NEO1: variants seen among roughly 807,000 people sequenced by gnomAD.
NEO1 encodes the protein neogenin.
NEO1 carries 63 observed loss-of-function variants against 159.7 expected under a neutral mutation model. That is an observed-to-expected ratio of 0.39 (90% CI 0.32 to 0.49). NEO1 has a LOEUF of 0.49. Ranked by LOEUF, NEO1 falls within the 20% of genes least tolerant of loss-of-function variation. The pLI is 0.85. For missense variants in NEO1, 1,615 were observed against 1,831.0 expected, an observed-to-expected ratio of 0.88 and a Z score of 2.15; for synonymous variants, 633 against 662.0, an observed-to-expected ratio of 0.96 and a Z score of 0.67.
intron 7 of NEO1, among the ~76,000 whole-genome samples, chr15:73,205,388 T>C (rs1261348745): frequency 6.6e-6 from 1 of 152,210 alleles, no homozygotes; most frequent in East Asian, 1.9e-4. Flanking sequence ...TTCCTCTAGC[T>C]GGGATAAGCT....
chr15:73,302,790 C>T lies in NEO1; in HGVS notation c.*94C>T. ...AATTGTACAGAGTACGAGAGGACAG[C>T]ACTTGAGAACACAGAATGAGCCAGC... On this transcript the variant is annotated 3_prime_UTR_variant, in exon 29 of 29. Transcript: ENST00000261908. 1 of 1,139,800 alleles carries T rather than the reference C, an allele frequency of 8.8e-7. No individual in the cohort carries two copies. Among genetic ancestry groups the T allele is most frequent in the Middle Eastern group, 1.9e-4 (1 of 5,138 alleles). 70.6% of individuals were successfully genotyped at this position (1,139,800 alleles called of 1,614,324 possible).
At position 73,274,731 on chromosome 15, in the gene NEO1, G is replaced by C; in HGVS notation, c.3193+7G>C. On this transcript the variant is annotated splice_region_variant and intron_variant, in intron 21 of 28. Coordinates refer to ENST00000261908, the MANE Select transcript of NEO1 (RefSeq NM_002499.4). ...AAAATGCCTAATGATCAAGGTAAAT[G>C]AGTAGATGGCCTCTCTTTTCTTTCC... 1 of 1,612,428 alleles carries C rather than the reference G, an allele frequency of 6.2e-7. No homozygotes were observed.
chr15:73,218,924 C>A (rs1019645460), intron 7 of NEO1, among the ~76,000 whole-genome samples: 11 of 152,164 alleles, frequency 7.2e-5, no homozygotes, highest in African/African-American at 2.7e-4. Context: ...CTATCTCCTT[C>A]AGTTCTGCTC....
intron 1 of NEO1, among the ~76,000 whole-genome samples, chr15:73,104,581 G>A (rs1046086529): frequency 7.2e-5 from 11 of 152,166 alleles, no homozygotes; most frequent in African/African-American, 2.7e-4. Context: ...GAAAAAGTTT[G>A]TCATCAAATA....
intron 15 of NEO1, among the ~76,000 whole-genome samples, chr15:73,262,130 C>G (rs560315504): frequency 6.6e-6 from 1 of 152,232 alleles, no homozygotes; most frequent in African/African-American, 2.4e-5. Flanking sequence ...GACCTAAATG[C>G]AAATGACCCA....
At chr15:73,072,972 AAG>A (rs2068607390) in intron 1 of NEO1, among the ~76,000 whole-genome samples, 1 of 152,184 alleles carries the variant, frequency 6.6e-6, no homozygotes, top group Non-Finnish European at 1.5e-5. Flanking sequence ...TTTACGGAGA[AAG>A]AACTAAGTTT....
Position 73,273,941 on chromosome 15 carries a change from C to G in NEO1, c.3096C>G (p.Ile1032Met). The G allele has an allele frequency of 6.2e-7, 1 of 1,614,116 alleles. No individual in the cohort carries two copies. The highest frequency in any genetic ancestry group is 8.5e-7 in the Non-Finnish European group (1 of 1,180,026). ...TTGACACACCATACTACTTCAAAATCCAGGCACGGAACTCAAAGGGCATGG... is the reference window on the plus strand; with the variant it reads ...TTGACACACCATACTACTTCAAAATGCAGGCACGGAACTCAAAGGGCATGG... The part of the protein sequence containing the change: ...LTLDTPYYFK[I>M]QARNSKGMGP... The change falls in exon 20 of 29, where the codon ATC becomes ATG. Residue 1032 changes from isoleucine to methionine, a missense_variant. Ile to Met is a conservative substitution (Grantham distance 10). This residue lies in a region of NEO1 where 126 missense variants were observed against 216.7 expected (regional missense o/e 0.58). Transcript: ENST00000261908.
In NEO1 at chr15:73,217,111, G is replaced by A. The variant is rs1432133234; in HGVS notation, c.1292-19236G>A. Among the ~76,000 whole-genome samples, 15 of 151,908 alleles carry A rather than the reference G, an allele frequency of 9.9e-5. No individual in the cohort carries two copies. The East Asian group carries it at 2.9e-3, about 29-fold the overall frequency. On this transcript the variant is annotated intron_variant, in intron 7 of 28. Transcript: ENST00000261908. ...CATCTTGAACTGATTTTTGTATAAG[G>A]TGTAAGGAAGGGATCCAGTTTCAGC...
At chr15:73,292,940 CTTCT>C (rs758331017) in intron 25 of NEO1, among the ~76,000 whole-genome samples, 14 of 152,212 alleles carry the variant, frequency 9.2e-5, no homozygotes, top group Non-Finnish European at 1.8e-4. Context: ...AAAGAAGGGA[CTTCT>C]TTCTATCCTT....
intron 5 of NEO1, among the ~76,000 whole-genome samples, chr15:73,153,501 A>G (rs1183069961): frequency 2.0e-5 from 3 of 152,220 alleles, no homozygotes; most frequent in African/African-American, 7.2e-5. Context: ...CATTGGCCCT[A>G]CCTGAAATCT....
At chr15:73,069,983 G>C (rs1277224559) in intron 1 of NEO1, among the ~76,000 whole-genome samples, 1 of 152,134 alleles carries the variant, frequency 6.6e-6, no homozygotes, top group Non-Finnish European at 1.5e-5. Context: ...GAAAAAGCAG[G>C]CAACTGTGGC....
intron 13 of NEO1, among the ~76,000 whole-genome samples, chr15:73,257,652 T>C (rs1029322269): frequency 6.6e-6 from 1 of 152,204 alleles, no homozygotes; most frequent in Non-Finnish European, 1.5e-5. Flanking sequence ...CTTTATGATA[T>C]GTATTGTATA....
In NEO1 at chr15:73,254,826, G is replaced by A; in HGVS notation, c.2089G>A (p.Glu697Lys). The A allele has an allele frequency of 6.2e-7, 1 of 1,612,108 alleles. No homozygotes were observed. The highest frequency in any genetic ancestry group is 8.5e-7 in the Non-Finnish European group (1 of 1,179,424). The change falls in exon 13 of 29, where the codon GAA becomes AAA. Residue 697 changes from glutamate to lysine, a missense_variant. Around this residue, in one of 3 missense-constraint regions of NEO1, gnomAD observed 1,018 missense variants for 1,115.4 expected, o/e 0.91. Transcript: ENST00000261908. ...VSGTQLSQLI[E>K]GLDRGTEYNF... The stretch of plus-strand genomic sequence containing the variant: ...CGGGACACAGCTGTCTCAGCTGATT[G>A]AAGGTAAGCTACCGTGCACAAAGGC...
chr15:73,276,856 ATAAGTGT>A (rs1174864414), intron 21 of NEO1, among the ~76,000 whole-genome samples: 1 of 152,196 alleles, frequency 6.6e-6, no homozygotes, highest in Non-Finnish European at 1.5e-5. Flanking sequence ...ACTCTCATTT[ATAAGTGT>A]TTTTTGAAGC....
chr15:73,064,068 C>T (rs889842064), intron 1 of NEO1, among the ~76,000 whole-genome samples: 3 of 152,212 alleles, frequency 2.0e-5, no homozygotes. Context: ...TAAAAAAATT[C>T]TGTAAGCTTT....
intron 7 of NEO1, among the ~76,000 whole-genome samples, chr15:73,221,153 C>T (rs2038231329): frequency 6.6e-6 from 1 of 152,140 alleles, no homozygotes; most frequent in Non-Finnish European, 1.5e-5. Context: ...CAGACAGGAC[C>T]CTCAGCTGCA....
At chr15:73,083,741 T>G (rs1346317546) in intron 1 of NEO1, among the ~76,000 whole-genome samples, 1 of 152,232 alleles carries the variant, frequency 6.6e-6, no homozygotes, top group Non-Finnish European at 1.5e-5. Context: ...CTTATGTTCC[T>G]TATTACTAGC....
At chr15:73,206,524 C>T (rs1003283634) in intron 7 of NEO1, among the ~76,000 whole-genome samples, 5 of 152,178 alleles carry the variant, frequency 3.3e-5, no homozygotes, top group South Asian at 2.1e-4. Context: ...GCTAGGGTAG[C>T]GTGTGGCTCA....
At chr15:73,200,523 T>TAGAG (rs56964495) in intron 7 of NEO1, among the ~76,000 whole-genome samples, 1 of 140,438 alleles carries the variant, frequency 7.1e-6, no homozygotes, top group Admixed American at 7.2e-5. Flanking sequence ...AGGGAGTCTC[T>TAGAG]AGAGAGAGAG....
Sources: gnomAD v4.1 joint callset for allele counts (sites outside exome capture counted in the v4.1 genomes callset) on GRCh38, gnomAD v4.1.1 for gene constraint, gnomAD v4.1.1 regional missense constraint, MANE v1.5 for transcripts, NCBI Gene and HGNC (gene_info 2026-07-23, HGNC 2026-07-21) for gene names.